The following VRTN variants were observed in gnomAD, a reference collection of about 807,000 sequenced individuals.
VRTN encodes vertebrae development associated.
Under a neutral mutation model 18.2 loss-of-function variants are expected in VRTN, and 5 were observed. The observed-to-expected ratio is 0.27, with a 90% CI of 0.14 to 0.58. The LOEUF (loss-of-function observed/expected upper bound fraction) is 0.58, where lower values mean the gene tolerates loss of function less well. VRTN is among the 20% of genes least tolerant of loss of function. The pLI, the probability that VRTN is intolerant of heterozygous loss-of-function variation, is 0.91. For missense variants in VRTN, 741 were observed against 939.4 expected (o/e 0.79, Z 2.76); for synonymous variants, 381 against 393.7 (o/e 0.97, Z 0.38).
intron 1 of VRTN, among the ~76,000 whole-genome samples, chr14:74,306,985 G>A (rs553068423): frequency 6.6e-6 from 1 of 152,170 alleles, no homozygotes; most frequent in African/African-American, 2.4e-5. Context: ...TGTTTAGATT[G>A]CAGAACAACT....
intron 2 of VRTN, among the ~76,000 whole-genome samples, chr14:74,340,515 T>C (rs1044456169): frequency 6.6e-6 from 1 of 152,140 alleles, no homozygotes; most frequent in Non-Finnish European, 1.5e-5. Flanking sequence ...AGTGCTGGGA[T>C]TACAGGCGTG....
intron 1 of VRTN, among the ~76,000 whole-genome samples, chr14:74,307,137 C>CTTTTTTTTTTTT (rs56345315): frequency 6.8e-5 from 6 of 87,740 alleles, no homozygotes; most frequent in African/African-American, 9.5e-5. Flanking sequence ...TGTTGTGGCC[C>CTTTTTTTTTTTT]TTTTTTTTTT....
intron 2 of VRTN, among the ~76,000 whole-genome samples, chr14:74,341,029 A>T (rs1489016368): frequency 6.6e-6 from 1 of 152,212 alleles, no homozygotes; most frequent in Non-Finnish European, 1.5e-5. Flanking sequence ...GGTGTGAGCC[A>T]CCGTGCCCAG....
At chr14:74,310,416 A>T (rs1029598656) in intron 1 of VRTN, among the ~76,000 whole-genome samples, 3 of 150,540 alleles carry the variant, frequency 2.0e-5, no homozygotes, top group African/African-American at 7.3e-5. Flanking sequence ...AAAAAAAAAA[A>T]GGAGAAGTAG....
chr14:74,353,812 T>C (rs1471997280), intron 1 of VRTN, among the ~76,000 whole-genome samples: 1 of 152,018 alleles, frequency 6.6e-6, no homozygotes, highest in Non-Finnish European at 1.5e-5. Flanking sequence ...AAGCTCCGCC[T>C]CCCGGGTTCA....
chr14:74,340,245 T>A (rs2085593728), intron 2 of VRTN, among the ~76,000 whole-genome samples: 2 of 151,992 alleles, frequency 1.3e-5, no homozygotes, highest in Admixed American at 1.3e-4. Context: ...CCCTAGTAGC[T>A]GGGATTATAG....
At position 74,319,326 on chromosome 14, in the gene VRTN, C is replaced by T. The variant is rs537415838; in HGVS notation, c.-164+16150C>T. Among the ~76,000 whole-genome samples, 8 of 152,296 alleles carry T rather than the reference C, an allele frequency of 5.3e-5. No homozygotes were observed. The East Asian group carries it at 5.8e-4, about 11-fold the overall frequency. ...TGGGATTACAGGCATGAGCCCGGCC[C>T]GCGCCTGGCCCCCTCGGGATGTATT... On this transcript the variant is annotated intron_variant, in intron 1 of 2. Coordinates refer to the VRTN transcript ENST00000557177.
chr14:74,338,601 C>A, intron 2 of VRTN, among the ~76,000 whole-genome samples: 1 of 152,228 alleles, frequency 6.6e-6, no homozygotes, highest in East Asian at 1.9e-4. Flanking sequence ...GTTGCCCAGG[C>A]TGGAGTGGAG....
At chr14:74,310,017 A>G (rs2085376995) in intron 1 of VRTN, among the ~76,000 whole-genome samples, 1 of 152,234 alleles carries the variant, frequency 6.6e-6, no homozygotes, top group African/African-American at 2.4e-5. Context: ...GCAAAATCCT[A>G]GAAGCAACCA....
chr14:74,333,281 G>A (rs1035748543), intron 1 of VRTN, among the ~76,000 whole-genome samples: 2 of 152,020 alleles, frequency 1.3e-5, no homozygotes, highest in African/African-American at 4.8e-5. Flanking sequence ...TACTTAGGAG[G>A]CTGAGGCAGG....
intron 1 of VRTN, among the ~76,000 whole-genome samples, chr14:74,356,185 A>C (rs1245967031): frequency 6.7e-6 from 1 of 150,312 alleles, no homozygotes; most frequent in African/African-American, 2.4e-5. Context: ...ATATTTTATT[A>C]ATTTTTTTTT....
rs67822776 is a variant in VRTN, at chr14:74,303,843, A to ATTTT, written c.-164+689_-164+692dup. On this transcript the variant is annotated intron_variant, in intron 1 of 2. Coordinates refer to the VRTN transcript ENST00000557177. ...TAGGTCAATCAGTTGACAATTACAGATTTTTTTTTTTTTTTTTTTTTTTTT... is the reference window on the plus strand; with the variant it reads ...TAGGTCAATCAGTTGACAATTACAGATTTTTTTTTTTTTTTTTTTTTTTTTTTTT... Among the ~76,000 whole-genome samples the ATTTT allele has an allele frequency of 7.1e-3, 628 of 88,354 alleles. 17 individuals carry two copies. Among genetic ancestry groups the ATTTT allele is most frequent in the African/African-American group, 0.026 (502 of 19,288 alleles). The allele number at this position is 88,354 out of a possible 152,430, so 58.0% of individuals were successfully genotyped here. A position where few individuals can be genotyped will look rare whatever the true frequency, so the allele number is the denominator to read the frequency against.
intron 1 of VRTN, among the ~76,000 whole-genome samples, chr14:74,321,238 A>G (rs1224872951): frequency 6.6e-6 from 1 of 152,210 alleles, no homozygotes; most frequent in Non-Finnish European, 1.5e-5. Context: ...TGTAGAAAAG[A>G]GAGGAAAATT....
At chr14:74,327,379 C>T (rs991645792) in intron 1 of VRTN, among the ~76,000 whole-genome samples, 2 of 152,142 alleles carry the variant, frequency 1.3e-5, no homozygotes, top group African/African-American at 2.4e-5. Context: ...TGCACAGTTC[C>T]GCAGTCTGCA....
chr14:74,334,320 T>C (rs1048771056), intron 1 of VRTN, among the ~76,000 whole-genome samples: 12 of 151,914 alleles, frequency 7.9e-5, no homozygotes, highest in African/African-American at 2.9e-4. Context: ...CTTGAGCTCA[T>C]GAGTTCGAGA....
chr14:74,327,333 G>A (rs1035922528), intron 1 of VRTN, among the ~76,000 whole-genome samples: 3 of 152,102 alleles, frequency 2.0e-5, no homozygotes, highest in African/African-American at 7.2e-5. Context: ...GTAGGAATCC[G>A]AGGACCAACT....
intron 2 of VRTN, among the ~76,000 whole-genome samples, chr14:74,342,794 T>C (rs1337410834): frequency 1.3e-5 from 2 of 152,236 alleles, no homozygotes; most frequent in Admixed American, 1.3e-4. Flanking sequence ...TTTTCTTTTT[T>C]ACTTTTGTGG....
Position 74,332,335 on chromosome 14 carries a change from GTTTTTTTTTTTTTTTTTTTTT to G in VRTN, c.-163-5367_-163-5347del, listed in dbSNP as rs67857502. Among the ~76,000 whole-genome samples the G allele has an allele frequency of 6.8e-4, 27 of 39,588 alleles. 1 individual carries two copies. Among genetic ancestry groups the G allele is most frequent in the African/African-American group, 1.2e-3 (15 of 12,362 alleles). 26.0% of individuals were successfully genotyped at this position (39,588 alleles called of 152,430 possible). On this transcript the variant is annotated intron_variant, in intron 1 of 2. Transcript: ENST00000557177. Reference sequence around the variant, plus strand: ...CCTCCGGAGGATCGACTCCTAATCTGTTTTTTTTTTTTTTTTTTTTTTTTTTTTTTTTTTTTTTTTTAGATG... The same window carrying G: ...CCTCCGGAGGATCGACTCCTAATCTGTTTTTTTTTTTTTTTTTTTTAGATG...
chr14:74,343,419 C>A (rs556018376), intron 2 of VRTN, among the ~76,000 whole-genome samples: 6 of 152,310 alleles, frequency 3.9e-5, no homozygotes, highest in East Asian at 1.9e-4. Context: ...AGCCACCGTG[C>A]CTGACTGGCC....
Sources: gnomAD v4.1 joint callset for allele counts (sites outside exome capture counted in the v4.1 genomes callset) on GRCh38, gnomAD v4.1.1 for gene constraint, MANE v1.5 for transcripts, NCBI Gene and HGNC (gene_info 2026-07-23, HGNC 2026-07-21) for gene names.